The following COL5A2 variants were observed in gnomAD, a reference collection of about 807,000 sequenced individuals.
The protein encoded by COL5A2 is collagen alpha-2(V) chain.
In COL5A2, 23 loss-of-function variants were observed where a neutral mutation model predicts 208.2. The ratio of observed to expected loss-of-function variants is 0.11; its 90% CI spans 0.08 to 0.16. COL5A2 has a LOEUF of 0.16. COL5A2 is among the 10% of genes least tolerant of loss of function. COL5A2 has a pLI of 1.00. For synonymous variants in COL5A2, 625 were observed against 628.5 expected (o/e 0.99, Z 0.08); for missense variants, 1,590 against 1,956.4 (o/e 0.81, Z 3.53).
intron 1 of COL5A2, among the ~76,000 whole-genome samples, chr2:189,158,581 G>A (rs1326274636): frequency 2.0e-5 from 3 of 152,048 alleles, no homozygotes; most frequent in African/African-American, 7.2e-5. Context: ...GTTCTTAACT[G>A]TAAAAACAAC....
intron 1 of COL5A2, among the ~76,000 whole-genome samples, chr2:189,127,043 G>T (rs1687619846): frequency 6.6e-6 from 1 of 152,128 alleles, no homozygotes. Flanking sequence ...AGTGCTTAGG[G>T]AGTGTGTACA....
At chr2:189,380,216 A>G in the COL5A2 span, among the ~76,000 whole-genome samples, 7 of 152,082 alleles carry the variant, frequency 4.6e-5, no homozygotes, top group African/African-American at 1.7e-4. Flanking sequence ...TAGATGAGAT[A>G]TTCCAGAACC....
the COL5A2 span, among the ~76,000 whole-genome samples, chr2:189,245,485 T>G: frequency 2.0e-4 from 5 of 25,408 alleles, no homozygotes; most frequent in African/African-American, 3.4e-4. Flanking sequence ...ACTCAAAATT[T>G]TTTTTTTTTT....
At chr2:189,255,791 A>G in the COL5A2 span, among the ~76,000 whole-genome samples, 1 of 152,240 alleles carries the variant, frequency 6.6e-6, no homozygotes, top group Non-Finnish European at 1.5e-5. Flanking sequence ...AATTATAAAC[A>G]TGTTATAAGA....
intron 1 of COL5A2, among the ~76,000 whole-genome samples, chr2:189,115,603 A>G (rs1687373429): frequency 6.6e-6 from 1 of 152,204 alleles, no homozygotes; most frequent in African/African-American, 2.4e-5. Context: ...AATACACAGC[A>G]CACACGTGTT....
At chr2:189,410,544 C>T in the COL5A2 span, among the ~76,000 whole-genome samples, 37 of 152,010 alleles carry the variant, frequency 2.4e-4, no homozygotes, top group South Asian at 4.2e-4. Flanking sequence ...CTAGCCTGAG[C>T]GACAGAGTGA....
intron 1 of COL5A2, among the ~76,000 whole-genome samples, chr2:189,133,295 AT>A (rs138305659): frequency 0.77 from 115,166 of 149,844 alleles, 47,584 homozygotes; most frequent in Non-Finnish European, 0.91. Flanking sequence ...AATTTTTTGT[AT>A]TTTTAGTAGA....
chr2:189,051,189 T>A, intron 42 of COL5A2, 131 bp downstream of exon 42: 1 of 1,075,424 alleles, frequency 9.3e-7, no homozygotes. Context: ...CTTATAGATT[T>A]AATGCACTTT....
At chr2:189,435,330 T>C in the COL5A2 span, among the ~76,000 whole-genome samples, 8 of 152,098 alleles carry the variant, frequency 5.3e-5, no homozygotes, top group Non-Finnish European at 1.0e-4. Context: ...ACAAATGGGA[T>C]CTAATTAAAC....
chr2:189,041,382 G>T (rs1020874642), intron 50 of COL5A2, among the ~76,000 whole-genome samples: 4 of 151,878 alleles, frequency 2.6e-5, no homozygotes, highest in Non-Finnish European at 5.9e-5. Flanking sequence ...TTAATGTCTG[G>T]GTAGGTTGGA....
chr2:189,399,338 C>T, the COL5A2 span, among the ~76,000 whole-genome samples: 1 of 151,452 alleles, frequency 6.6e-6, no homozygotes, highest in Non-Finnish European at 1.5e-5. Flanking sequence ...TCAACCTCCA[C>T]CTCCCAGGTT....
At chr2:189,270,046 T>C in the COL5A2 span, among the ~76,000 whole-genome samples, 1 of 152,210 alleles carries the variant, frequency 6.6e-6, no homozygotes, top group Admixed American at 6.5e-5. Context: ...TATTCTCTGA[T>C]GGTAGTTTGT....
chr2:189,303,909 G>A, the COL5A2 span, among the ~76,000 whole-genome samples: 5 of 152,040 alleles, frequency 3.3e-5, no homozygotes, highest in African/African-American at 4.8e-5. Flanking sequence ...GTCATGAATC[G>A]TTCTTTGCTC....
At chr2:189,052,349 A>ATT in intron 40 of COL5A2, 124 bp from the exon 41 acceptor site, 1 of 912,874 alleles carries the variant, frequency 1.1e-6, no homozygotes, top group Non-Finnish European at 1.7e-6. Context: ...TGTAAGCAAT[A>ATT]TTTTTTTTTC....
the COL5A2 span, among the ~76,000 whole-genome samples, chr2:189,344,687 CCT>C: frequency 1.3e-5 from 2 of 152,160 alleles, no homozygotes; most frequent in African/African-American, 4.8e-5. Flanking sequence ...AGCACATCCC[CCT>C]GTCTGGTACC....
the COL5A2 span, among the ~76,000 whole-genome samples, chr2:189,399,131 A>G: frequency 6.6e-6 from 1 of 151,980 alleles, no homozygotes; most frequent in Non-Finnish European, 1.5e-5. Context: ...CTGCATTTTT[A>G]TGCTTTCAAT....
chr2:189,056,686 T>C (rs951837551), intron 35 of COL5A2: 6 of 472,848 alleles, frequency 1.3e-5, no homozygotes, highest in South Asian at 9.0e-5. Flanking sequence ...ATAAACCTTG[T>C]GTATGAAATA....
the COL5A2 span, among the ~76,000 whole-genome samples, chr2:189,230,517 T>C: frequency 1.3e-5 from 2 of 151,716 alleles, no homozygotes; most frequent in Non-Finnish European, 2.9e-5. Context: ...CAATTTTAAA[T>C]GGACAAATGA....
Position 189,120,072 on chromosome 2 carries a change from C to T in COL5A2, c.98-9623G>A, listed in dbSNP as rs1288486832. Among the ~76,000 whole-genome samples the T allele has an allele frequency of 2.0e-5, 3 of 152,054 alleles. No individual in the cohort carries two copies. In the South Asian group the frequency reaches 6.2e-4, roughly 32 times the overall value. On this transcript the variant is annotated intron_variant, in intron 1 of 53. Coordinates refer to ENST00000374866, the MANE Select transcript of COL5A2 (RefSeq NM_000393.5). The stretch of plus-strand genomic sequence containing the variant: ...AAAAGGAATAGAGGCATTAGTTAAT[C>T]CATTTAATCGATAGTTATTTATCTA...
Sources: allele counts gnomAD v4.1 joint callset (sites outside exome capture counted in the v4.1 genomes callset), GRCh38; gene constraint gnomAD v4.1.1; transcripts MANE v1.5; gene names NCBI Gene and HGNC (gene_info 2026-07-23, HGNC 2026-07-21).